The following PRICKLE2 variants were observed in gnomAD, a reference collection of about 807,000 sequenced individuals.
PRICKLE2 encodes prickle planar cell polarity protein 2.
PRICKLE2 carries 21 observed loss-of-function variants against 81.4 expected under a neutral mutation model. The ratio of observed to expected loss-of-function variants is 0.26; its 90% CI spans 0.18 to 0.37. The LOEUF (loss-of-function observed/expected upper bound fraction) is 0.37. Ranked by LOEUF, PRICKLE2 falls within the 10% of genes least tolerant of loss-of-function variation. PRICKLE2 has a pLI of 1.00. For synonymous variants in PRICKLE2, 456 were observed against 421.5 expected (o/e 1.08, Z -1.00); for missense variants, 940 against 1,109.0 (o/e 0.85, Z 2.16).
At chr3:64,231,926 A>G (rs2079110979) in intron 2 of PRICKLE2, among the ~76,000 whole-genome samples, 2 of 152,190 alleles carry the variant, frequency 1.3e-5, no homozygotes, top group South Asian at 2.1e-4. Flanking sequence ...TCAGAGGATC[A>G]CAAATTTCCT....
At chr3:64,104,858 A>C (rs1381278664) in intron 7 of PRICKLE2, 1 of 152,242 alleles carries the variant, frequency 6.6e-6, no homozygotes, top group African/African-American at 2.4e-5. Context: ...GTCTTCTTGC[A>C]TGCAGGGCAT....
chr3:64,132,508 G>A (rs983271980), intron 7 of PRICKLE2, among the ~76,000 whole-genome samples: 3 of 152,158 alleles, frequency 2.0e-5, no homozygotes, highest in African/African-American at 4.8e-5. Flanking sequence ...GCTTCCTGCT[G>A]GGGCCTGACC....
chr3:64,218,729 T>G (rs932544442), intron 1 of PRICKLE2, among the ~76,000 whole-genome samples: 1 of 152,222 alleles, frequency 6.6e-6, no homozygotes, highest in African/African-American at 2.4e-5. Context: ...TTTACTCAAA[T>G]AAGTGACAAT....
At chr3:64,234,059 A>G (rs1379395738) in intron 2 of PRICKLE2, among the ~76,000 whole-genome samples, 6 of 152,174 alleles carry the variant, frequency 3.9e-5, no homozygotes, top group African/African-American at 2.4e-5. Context: ...ATATTCATCT[A>G]TTCATCAATT....
chr3:64,099,754 G>T lies in PRICKLE2; in HGVS notation c.1832C>A (p.Ala611Asp), dbSNP rs746399399. Reference protein sequence around the residue: ...SAESVRSLLSAQQYQEMEGNL... With the variant: ...SAESVRSLLSDQQYQEMEGNL... The stretch of plus-strand genomic sequence containing the variant: ...TCCCTCCATCTCCTGGTACTGCTGG[G>T]CAGAGAGCAGGCTGCGAACTGACTC... Residue 611 changes from alanine (A) to aspartate (D), a missense_variant, in exon 8 of 8, where the codon GCC becomes GAC. By Grantham distance (126) the Ala-to-Asp change is moderately radical. Around this residue, in one of 2 missense-constraint regions of PRICKLE2, gnomAD observed 670 missense variants for 717.2 expected, o/e 0.93. Transcript: ENST00000638394. The surrounding 1 kb of genome is among the most constrained non-coding windows in gnomAD (Gnocchi z 4.3). 7 of 1,614,196 alleles carry T rather than the reference G, an allele frequency of 4.3e-6. No individual in the cohort carries two copies. Among genetic ancestry groups the T allele is most frequent in the South Asian group, 1.1e-5 (1 of 91,084 alleles).
intron 7 of PRICKLE2, among the ~76,000 whole-genome samples, chr3:64,123,403 T>C (rs1266527196): frequency 1.3e-5 from 2 of 152,246 alleles, no homozygotes; most frequent in Non-Finnish European, 2.9e-5. Flanking sequence ...GATACTCAAA[T>C]GCTCAAGGGA....
intron 7 of PRICKLE2, among the ~76,000 whole-genome samples, chr3:64,106,919 G>A (rs2076765373): frequency 6.6e-6 from 1 of 152,190 alleles, no homozygotes; most frequent in African/African-American, 2.4e-5. Context: ...CCCACCTGAT[G>A]GCAAGGAGAC....
chr3:64,256,072 A>G (rs1266035422), intron 2 of PRICKLE2, among the ~76,000 whole-genome samples: 6 of 152,028 alleles, frequency 3.9e-5, no homozygotes, highest in Non-Finnish European at 8.8e-5. Flanking sequence ...AGGAGAGACA[A>G]ATAAAGGCTT....
intron 7 of PRICKLE2, among the ~76,000 whole-genome samples, chr3:64,114,850 A>G (rs2076910316): frequency 6.6e-6 from 1 of 152,090 alleles, no homozygotes; most frequent in African/African-American, 2.4e-5. Context: ...AGAGGCCAAC[A>G]TTCTTAAGAT....
chr3:64,181,327 A>T (rs1257333671), intron 2 of PRICKLE2, among the ~76,000 whole-genome samples: 1 of 152,038 alleles, frequency 6.6e-6, no homozygotes, highest in Non-Finnish European at 1.5e-5. Flanking sequence ...AGACCCAAAA[A>T]AGCAGTTCTG....
intron 7 of PRICKLE2, 36 bp downstream of exon 7, chr3:64,146,794 C>T (rs750809721): frequency 8.1e-6 from 13 of 1,612,672 alleles, no homozygotes; most frequent in South Asian, 1.1e-5. Flanking sequence ...AGAGACTACC[C>T]CCTTTCTATC....
intron 2 of PRICKLE2, among the ~76,000 whole-genome samples, chr3:64,184,364 C>T (rs1402163289): frequency 6.6e-6 from 1 of 152,224 alleles, no homozygotes; most frequent in Non-Finnish European, 1.5e-5. Flanking sequence ...CCAGCTGCGT[C>T]TGATACCACA....
chr3:64,257,103 T>A (rs1019226138), intron 2 of PRICKLE2, among the ~76,000 whole-genome samples: 3 of 152,166 alleles, frequency 2.0e-5, no homozygotes, highest in African/African-American at 7.2e-5. Context: ...GCTTCACCCA[T>A]TCATTTGGGA....
chr3:64,169,099 G>A (rs1214124630), intron 2 of PRICKLE2, among the ~76,000 whole-genome samples: 1 of 152,086 alleles, frequency 6.6e-6, no homozygotes, highest in Non-Finnish European at 1.5e-5. Flanking sequence ...TACACATTCT[G>A]GCCAATGACA....
At chr3:64,202,354 C>T (rs997354161) in intron 1 of PRICKLE2, among the ~76,000 whole-genome samples, 2 of 152,210 alleles carry the variant, frequency 1.3e-5, no homozygotes, top group African/African-American at 2.4e-5. Context: ...AAGAGTATTG[C>T]CATTTTAATG....
chr3:64,202,638 T>TTGTGCGTGTG, intron 1 of PRICKLE2, among the ~76,000 whole-genome samples: 1 of 69,076 alleles, frequency 1.4e-5, no homozygotes, highest in South Asian at 8.0e-4. Flanking sequence ...GTTTAGGTAC[T>TTGTGCGTGTG]TGTGTGCGTG....
intron 2 of PRICKLE2, chr3:64,194,087 T>G (rs1291641355): frequency 6.6e-6 from 1 of 152,228 alleles, no homozygotes; most frequent in Admixed American, 6.5e-5. Context: ...TGAACAAGTC[T>G]CCCTTTTATA....
chr3:64,225,631 C>A, upstream of PRICKLE2: 1 of 183,576 alleles, frequency 5.4e-6, no homozygotes, highest in South Asian at 1.8e-4. Context: ...GAAGCCTTTG[C>A]TGGATGCAAA....
chr3:64,120,367 G>A (rs1464674324), intron 7 of PRICKLE2, among the ~76,000 whole-genome samples: 2 of 152,156 alleles, frequency 1.3e-5, no homozygotes, highest in African/African-American at 2.4e-5. Context: ...ATGCACTGGT[G>A]CTTCCGGAAA....
Sources: allele counts gnomAD v4.1 joint callset (sites outside exome capture counted in the v4.1 genomes callset), GRCh38; gene constraint gnomAD v4.1.1; regional missense constraint gnomAD v4.1.1; non-coding constraint Gnocchi (gnomAD v3.1); transcripts MANE v1.5; gene names NCBI Gene and HGNC (gene_info 2026-07-23, HGNC 2026-07-21).